Variants in LMNTD1 observed in about 807,000 individuals in gnomAD.
LMNTD1 encodes lamin tail domain containing 1.
LMNTD1 carries 35 observed loss-of-function variants against 50.9 expected under a neutral mutation model. The ratio of observed to expected loss-of-function variants is 0.69; its 90% CI spans 0.53 to 0.91. LMNTD1 has a LOEUF of 0.91. LMNTD1 is among the 40% of genes least tolerant of loss of function. The pLI is 0.00. For synonymous variants in LMNTD1, 153 were observed against 161.9 expected (o/e 0.94, Z 0.42); for missense variants, 470 against 475.5 (o/e 0.99, Z 0.11).
chr12:25,634,971 T>G (rs1946797407), intron 1 of LMNTD1, among the ~76,000 whole-genome samples: 1 of 152,168 alleles, frequency 6.6e-6, no homozygotes, highest in African/African-American at 2.4e-5. Context: ...CTGGGCGCAG[T>G]GGCTCATGCC....
At chr12:25,598,348 G>T (rs1945885051) in intron 1 of LMNTD1, among the ~76,000 whole-genome samples, 1 of 151,948 alleles carries the variant, frequency 6.6e-6, no homozygotes, top group Non-Finnish European at 1.5e-5. Context: ...ATGGAATATA[G>T]CAAAAGCAGT....
rs772996551 is a variant in LMNTD1 at position 25,483,358 on chromosome 12, G to GGCTGCAGTGAGCTATGATCATGCC, written c.*23-6922_*23-6899dup. Among the ~76,000 whole-genome samples the GGCTGCAGTGAGCTATGATCATGCC allele has an allele frequency of 4.3e-3, 646 of 151,924 alleles. 4 individuals are homozygous for GGCTGCAGTGAGCTATGATCATGCC. The highest frequency in any genetic ancestry group is 7.4e-3 in the Non-Finnish European group (502 of 68,006). ...AGGATTGCTTGAGTTCAGGGGTTGA[G>GGCTGCAGTGAGCTATGATCATGCC]GCTGCAGTGAGCTATGATCATGCCA... On this transcript the variant is annotated intron_variant, in intron 9 of 9. Coordinates refer to ENST00000458174, the MANE Select transcript of LMNTD1 (RefSeq NM_001145728.2).
intron 9 of LMNTD1, among the ~76,000 whole-genome samples, chr12:25,489,229 C>G (rs1014894468): frequency 1.3e-5 from 2 of 151,174 alleles, no homozygotes; most frequent in Non-Finnish European, 3.0e-5. Flanking sequence ...CCCCCAGACT[C>G]GCTGCTGCCT....
intron 1 of LMNTD1, among the ~76,000 whole-genome samples, chr12:25,571,860 G>C (rs944741342): frequency 6.6e-6 from 1 of 151,652 alleles, no homozygotes; most frequent in African/African-American, 2.4e-5. Flanking sequence ...TAGTAGAGAA[G>C]GGGTTTCACT....
In LMNTD1 at chr12:25,509,967, A is replaced by G. The variant is rs531300367; in HGVS notation, c.1190-6167T>C. Among the ~76,000 whole-genome samples, 3 of 152,304 alleles carry G rather than the reference A, an allele frequency of 2.0e-5. 1 individual carries two copies. Among genetic ancestry groups the G allele is most frequent in the African/African-American group, 4.8e-5 (2 of 41,566 alleles). The stretch of plus-strand genomic sequence containing the variant: ...CAGTATTGTGAGAGAATAAATTTCT[A>G]TTGTTTTAAGACATCAAGTTTGTGG... On this transcript the variant is annotated intron_variant, in intron 8 of 9. Transcript: ENST00000458174.
intron 1 of LMNTD1, among the ~76,000 whole-genome samples, chr12:25,561,989 G>A (rs113906332): frequency 0.063 from 9,557 of 152,116 alleles, 357 homozygotes; most frequent in African/African-American, 0.092. Flanking sequence ...CGTTTGCTTG[G>A]TAGATCTTCC....
chr12:25,520,592 C>A (rs1941245621), intron 6 of LMNTD1, among the ~76,000 whole-genome samples: 1 of 152,092 alleles, frequency 6.6e-6, no homozygotes, highest in African/African-American at 2.4e-5. Flanking sequence ...TTTCTTTATC[C>A]ATTTGTCTGT....
chr12:25,590,060 A>C (rs1945649592), intron 1 of LMNTD1, among the ~76,000 whole-genome samples: 1 of 151,292 alleles, frequency 6.6e-6, no homozygotes, highest in African/African-American at 2.4e-5. Flanking sequence ...TCTACATGCT[A>C]TACACAAAAG....
chr12:25,640,979 T>G (rs1301128578), intron 1 of LMNTD1, among the ~76,000 whole-genome samples: 1 of 152,246 alleles, frequency 6.6e-6, no homozygotes, highest in African/African-American at 2.4e-5. Context: ...AAAAGTGTTT[T>G]TAATTTGAAG....
intron 9 of LMNTD1, among the ~76,000 whole-genome samples, chr12:25,499,540 A>G (rs1045730318): frequency 2.6e-5 from 4 of 152,148 alleles, no homozygotes; most frequent in African/African-American, 9.7e-5. Context: ...GGGTATGGAT[A>G]CTGTTTACTT....
intron 7 of LMNTD1, 51 bp downstream of exon 7, chr12:25,519,807 T>C (rs1439749398): frequency 1.7e-6 from 2 of 1,184,190 alleles, no homozygotes; most frequent in Non-Finnish European, 2.5e-6. Flanking sequence ...CATGCTTAGT[T>C]ACTAATTGTG....
chr12:25,619,477 T>C (rs1176292116), intron 1 of LMNTD1, among the ~76,000 whole-genome samples: 1 of 152,188 alleles, frequency 6.6e-6, no homozygotes, highest in East Asian at 1.9e-4. Context: ...ATTTCTAAGT[T>C]TGCCTTTTGT....
At chr12:25,502,825 G>T (rs1014287265) in intron 9 of LMNTD1, 1 of 152,230 alleles carries the variant, frequency 6.6e-6, no homozygotes, top group Non-Finnish European at 1.5e-5. Flanking sequence ...AAAATCTAGG[G>T]AGAGACAGGC....
intron 1 of LMNTD1, among the ~76,000 whole-genome samples, chr12:25,563,148 C>T (rs887189585): frequency 6.6e-6 from 1 of 152,240 alleles, no homozygotes; most frequent in African/African-American, 2.4e-5. Flanking sequence ...GTCAACTTGT[C>T]AAAGTCATTC....
chr12:25,642,150 G>T (rs371039599), intron 1 of LMNTD1, among the ~76,000 whole-genome samples: 1 of 152,254 alleles, frequency 6.6e-6, no homozygotes, highest in East Asian at 1.9e-4. Flanking sequence ...AAAGGGTCCA[G>T]GTAAGGAACT....
At chr12:25,594,457 G>A (rs1945788780) in intron 1 of LMNTD1, among the ~76,000 whole-genome samples, 1 of 151,966 alleles carries the variant, frequency 6.6e-6, no homozygotes. Context: ...TGTATCCAGT[G>A]TAAGTAAGGA....
intron 1 of LMNTD1, among the ~76,000 whole-genome samples, chr12:25,606,780 G>T (rs1271621175): frequency 6.6e-6 from 1 of 152,138 alleles, no homozygotes; most frequent in African/African-American, 2.4e-5. Flanking sequence ...CAAGGGTATT[G>T]GTCTAAAATT....
intron 6 of LMNTD1, among the ~76,000 whole-genome samples, 179 bp downstream of exon 6, chr12:25,525,920 T>G (rs1230644724): frequency 1.3e-5 from 2 of 152,030 alleles, no homozygotes; most frequent in East Asian, 3.8e-4. Flanking sequence ...TGAAATTAAA[T>G]AAATAAATAA....
In LMNTD1 at chr12:25,584,901, A is replaced by G. The variant is rs545788815; in HGVS notation, c.59-38347T>C. On this transcript the variant is annotated intron_variant, in intron 1 of 7. Transcript: ENST00000445693. The stretch of plus-strand genomic sequence containing the variant: ...CCTAGAGGTCGTAGATGTGAGTTCT[A>G]AAATATTTTATTTATATCATATTTT... Among the ~76,000 whole-genome samples, 5 of 152,360 alleles carry G rather than the reference A, an allele frequency of 3.3e-5. No homozygotes were observed. The East Asian group carries it at 9.6e-4, about 29-fold the overall frequency.
Sources: gnomAD v4.1 joint callset for allele counts (sites outside exome capture counted in the v4.1 genomes callset) on GRCh38, gnomAD v4.1.1 for gene constraint, MANE v1.5 for transcripts, NCBI Gene and HGNC (gene_info 2026-07-23, HGNC 2026-07-21) for gene names.